The following PCDH9 variants were observed in gnomAD, a reference collection of about 807,000 sequenced individuals.
PCDH9 encodes the protein protocadherin 9, also known as protocadherin-9.
A neutral mutation model predicts 70.6 loss-of-function variants in PCDH9; 24 were observed. The ratio of observed to expected loss-of-function variants is 0.34; its 90% CI spans 0.25 to 0.48. PCDH9 has a LOEUF of 0.48. PCDH9 is among the 20% of genes least tolerant of loss of function. The pLI is 0.99. For synonymous variants in PCDH9, 562 were observed against 558.5 expected, an observed-to-expected ratio of 1.01 and a Z score of -0.09; for missense variants, 1,281 against 1,503.6, an observed-to-expected ratio of 0.85 and a Z score of 2.45.
intron 4 of PCDH9, among the ~76,000 whole-genome samples, chr13:66,574,975 C>A (rs1212037003): frequency 6.6e-6 from 1 of 152,018 alleles, no homozygotes. Flanking sequence ...GAGTTCGAGA[C>A]CAACCTGGCC....
In PCDH9 at chr13:66,992,425, G is replaced by T. The variant is rs116529265; in HGVS notation, c.3037-88820C>A. Among the ~76,000 whole-genome samples the T allele has an allele frequency of 8.8e-3, 1,342 of 152,248 alleles. 17 individuals are homozygous for T. Among genetic ancestry groups the T allele is most frequent in the Middle Eastern group, 0.031 (9 of 294 alleles). ...TACCAAGCCTTCAGAAATCCTGTTT[G>T]CTTTCCTTGGCAGTGCACCAGCCTG... On this transcript the variant is annotated intron_variant, in intron 2 of 4. Coordinates refer to ENST00000377865, the MANE Select transcript of PCDH9 (RefSeq NM_203487.3).
intron 2 of PCDH9, among the ~76,000 whole-genome samples, chr13:66,932,054 C>G (rs781329826): frequency 1.3e-5 from 2 of 152,036 alleles, no homozygotes; most frequent in Non-Finnish European, 2.9e-5. Flanking sequence ...AAGTCAGTAG[C>G]CAAATGGACA....
chr13:66,872,595 G>A (rs1274618429), intron 3 of PCDH9, among the ~76,000 whole-genome samples: 3 of 151,954 alleles, frequency 2.0e-5, no homozygotes, highest in Admixed American at 1.3e-4. Flanking sequence ...AATAAATTGT[G>A]TCCTGTATTT....
chr13:66,994,610 C>G (rs1382240864), intron 2 of PCDH9, among the ~76,000 whole-genome samples: 4 of 152,196 alleles, frequency 2.6e-5, no homozygotes, highest in Non-Finnish European at 5.9e-5. Context: ...AGCTGAGGTA[C>G]TGACTCCAGA....
rs939212739 is a variant in PCDH9, at chr13:66,452,777, A to G, written c.3341-147749T>C. The stretch of plus-strand genomic sequence containing the variant: ...TAGTGGCCCCTGAGAAGCTCTATAC[A>G]TTCGTCTTGATTATACAGGCAAATG... On this transcript the variant is annotated intron_variant, in intron 4 of 4. Transcript: ENST00000377865. Among the ~76,000 whole-genome samples, 2 of 152,264 alleles carry G rather than the reference A, an allele frequency of 1.3e-5. 1 individual carries two copies. Among genetic ancestry groups the G allele is most frequent in the Admixed American group, 1.3e-4 (2 of 15,282 alleles).
intron 4 of PCDH9, among the ~76,000 whole-genome samples, chr13:66,453,396 A>G (rs1958253019): frequency 6.6e-6 from 1 of 152,174 alleles, no homozygotes; most frequent in Non-Finnish European, 1.5e-5. Context: ...TAGAGGTCAA[A>G]TGCATTTTTT....
chr13:66,552,183 A>C (rs1226006777), intron 4 of PCDH9, among the ~76,000 whole-genome samples: 1 of 151,994 alleles, frequency 6.6e-6, no homozygotes, highest in African/African-American at 2.4e-5. Flanking sequence ...AAACAGTGAG[A>C]CTCAATATTA....
chr13:67,165,042 C>CA (rs2088072780), intron 2 of PCDH9, among the ~76,000 whole-genome samples: 2 of 151,370 alleles, frequency 1.3e-5, no homozygotes, highest in Admixed American at 6.6e-5. Context: ...AACAGGGCCA[C>CA]AAAAAAGTGT....
intron 4 of PCDH9, among the ~76,000 whole-genome samples, chr13:66,365,654 T>TA (rs1406112357): frequency 6.6e-6 from 1 of 152,178 alleles, no homozygotes; most frequent in Non-Finnish European, 1.5e-5. Flanking sequence ...AGAGAAAAGT[T>TA]ATCAAGAGGT....
rs151088069 is a variant in PCDH9 at position 66,685,067 on chromosome 13, G to C, written c.3139-53656C>G. ...ATTTTCTGAGGAGAAATTCAAGCCA[G>C]CTGCAGAAATTTGCCTAAGTAACAA... On this transcript the variant is annotated intron_variant, in intron 3 of 4. Transcript: ENST00000377865. 2.1e-3 allele frequency among the ~76,000 whole-genome samples: 318 copies of C among 152,216 alleles called. 1 individual carries two copies. The highest frequency in any genetic ancestry group is 7.5e-3 in the African/African-American group (312 of 41,526).
chr13:66,873,746 A>T (rs189753438), intron 3 of PCDH9, among the ~76,000 whole-genome samples: 99 of 152,084 alleles, frequency 6.5e-4, no homozygotes, highest in Non-Finnish European at 1.3e-4. Flanking sequence ...GCCACAGGAA[A>T]TGGGGTCCAG....
rs1030920430 is a variant in PCDH9 at position 66,696,322 on chromosome 13, G to A, written c.3139-64911C>T. Among the ~76,000 whole-genome samples, 11 of 152,284 alleles carry A rather than the reference G, an allele frequency of 7.2e-5. No homozygotes were observed. The East Asian group carries it at 2.1e-3, about 29-fold the overall frequency. On this transcript the variant is annotated intron_variant, in intron 3 of 4. Coordinates refer to ENST00000377865, the MANE Select transcript of PCDH9 (RefSeq NM_203487.3). The stretch of plus-strand genomic sequence containing the variant: ...AACTCAATATTCAGTTATCATTGAT[G>A]TACTTTTCTAATAATTATTCAATCT...
intron 2 of PCDH9, among the ~76,000 whole-genome samples, chr13:67,149,345 A>C (rs1355556794): frequency 6.6e-6 from 1 of 152,106 alleles, no homozygotes; most frequent in Non-Finnish European, 1.5e-5. Context: ...TGACAATTTC[A>C]ATATTTCTAA....
At chr13:67,209,374 G>A (rs1207658610) in intron 2 of PCDH9, 11 of 152,106 alleles carry the variant, frequency 7.2e-5, no homozygotes, top group Non-Finnish European at 1.2e-4. Flanking sequence ...TAAAGAGACT[G>A]CTTAATATGA....
At chr13:67,144,789 T>C (rs1185579957) in intron 2 of PCDH9, among the ~76,000 whole-genome samples, 3 of 152,118 alleles carry the variant, frequency 2.0e-5, no homozygotes, top group African/African-American at 4.8e-5. Context: ...AAAGAGGACA[T>C]ACAAATGTTC....
chr13:66,848,894 C>T (rs2081260545), intron 3 of PCDH9, among the ~76,000 whole-genome samples: 1 of 142,668 alleles, frequency 7.0e-6, no homozygotes, highest in Admixed American at 7.3e-5. Context: ...CACCACCGCA[C>T]TCCAGCCTGG....
At chr13:66,531,600 C>G (rs1056681880) in intron 4 of PCDH9, among the ~76,000 whole-genome samples, 3 of 152,040 alleles carry the variant, frequency 2.0e-5, no homozygotes, top group African/African-American at 4.8e-5. Flanking sequence ...TAAATTTTAA[C>G]GACTCTTCTA....
chr13:66,397,749 C>T (rs1018609933), intron 4 of PCDH9, among the ~76,000 whole-genome samples: 5 of 151,212 alleles, frequency 3.3e-5, no homozygotes, highest in African/African-American at 1.2e-4. Context: ...AAAATAATTC[C>T]TGAATTAATT....
chr13:66,406,490 G>A (rs577903480), intron 4 of PCDH9, among the ~76,000 whole-genome samples: 1 of 152,232 alleles, frequency 6.6e-6, no homozygotes, highest in African/African-American at 2.4e-5. Context: ...GTTTGACTTA[G>A]GCTCCTTACT....
Sources: allele counts gnomAD v4.1 joint callset (sites outside exome capture counted in the v4.1 genomes callset), GRCh38; gene constraint gnomAD v4.1.1; transcripts MANE v1.5; gene names NCBI Gene and HGNC (gene_info 2026-07-23, HGNC 2026-07-21).